The following ARHGEF11 variants were observed in gnomAD, a reference collection of about 807,000 sequenced individuals.
ARHGEF11 encodes Rho guanine exchange factor (GEF) 11.
Under a neutral mutation model 193.7 loss-of-function variants are expected in ARHGEF11, and 55 were observed. The ratio of observed to expected loss-of-function variants is 0.28; its 90% CI spans 0.23 to 0.36. The LOEUF (loss-of-function observed/expected upper bound fraction) is 0.36, where lower values mean the gene tolerates loss of function less well. Ranked by LOEUF, ARHGEF11 falls within the 10% of genes least tolerant of loss-of-function variation. ARHGEF11 has a pLI of 1.00. For missense variants in ARHGEF11, 1,723 were observed against 2,005.6 expected, an observed-to-expected ratio of 0.86 and a Z score of 2.69; for synonymous variants, 693 against 768.0, an observed-to-expected ratio of 0.90 and a Z score of 1.62.
At chr1:157,038,029 CAAA>C (rs145416871) in intron 1 of ARHGEF11, among the ~76,000 whole-genome samples, 1 of 45,502 alleles carries the variant, frequency 2.2e-5, no homozygotes, top group Non-Finnish European at 3.7e-5. Context: ...AAGACTGTCT[CAAA>C]AAAAAAAAAA....
intron 29 of ARHGEF11, 38 bp from the exon 30 acceptor site, chr1:156,945,235 C>G: frequency 6.3e-7 from 1 of 1,592,928 alleles, no homozygotes; most frequent in Non-Finnish European, 8.6e-7. Flanking sequence ...GGGGCTCCTG[C>G]CTGAGAAGTC....
chr1:156,941,565 C>A, intron 34 of ARHGEF11, 132 bp from the exon 35 acceptor site: 2 of 1,048,234 alleles, frequency 1.9e-6, no homozygotes, highest in South Asian at 1.4e-5. Flanking sequence ...TGCTTGGCAA[C>A]CCAGAGAGGA....
In ARHGEF11 at chr1:156,939,703, C is replaced by T. The variant is rs377475140; in HGVS notation, c.3941G>A (p.Arg1314Gln). Residue 1314 changes from arginine (R) to glutamine (Q), a missense_variant, in exon 37 of 41, where the codon CGG becomes CAG. Arg to Gln is a conservative substitution (Grantham distance 43, BLOSUM62 1). Around this residue, in one of 5 missense-constraint regions of ARHGEF11, gnomAD observed 360 missense variants for 344.4 expected, o/e 1.05. Transcript: ENST00000368194. The part of the protein sequence containing the change: ...NTQLAGLEGE[R>Q]PEQEDMGLCS... The stretch of plus-strand genomic sequence containing the variant: ...GAGACCCATGTCTTCCTGCTCTGGC[C>T]GTTCCCCCTCCAGCCCTGCAAGCTG... 29 of 1,614,004 alleles carry T rather than the reference C, an allele frequency of 1.8e-5. No individual in the cohort carries two copies. In the East Asian group the frequency reaches 2.9e-4, roughly 16 times the overall value.
intron 14 of ARHGEF11, among the ~76,000 whole-genome samples, chr1:156,961,027 C>A (rs568034675): frequency 2.9e-3 from 443 of 152,332 alleles, no homozygotes; most frequent in Non-Finnish European, 4.2e-3. Context: ...TTAAGAAAAA[C>A]CAATTTTCTC....
chr1:156,973,746 T>C (rs750082729), intron 7 of ARHGEF11, among the ~76,000 whole-genome samples: 4 of 152,204 alleles, frequency 2.6e-5, no homozygotes, highest in Non-Finnish European at 4.4e-5. Flanking sequence ...CCATCTTTTA[T>C]TCTTTCTTCT....
intron 17 of ARHGEF11, 92 bp downstream of exon 17, chr1:156,958,650 G>C (rs1325854481): frequency 7.1e-6 from 11 of 1,555,044 alleles, no homozygotes; most frequent in Non-Finnish European, 9.6e-6. Flanking sequence ...GGCAAGAAGT[G>C]GAAGAGGGGG....
chr1:156,983,403 T>C (rs1664481253), intron 3 of ARHGEF11, among the ~76,000 whole-genome samples: 1 of 152,114 alleles, frequency 6.6e-6, no homozygotes, highest in Admixed American at 6.5e-5. Flanking sequence ...TTTGTATTTT[T>C]AGTAGAGACA....
At chr1:157,044,024 C>T (rs147579497) in intron 1 of ARHGEF11, among the ~76,000 whole-genome samples, 4 of 152,314 alleles carry the variant, frequency 2.6e-5, no homozygotes, top group Admixed American at 2.6e-4. Flanking sequence ...AGCCTCTACC[C>T]TGGCAAAAGT....
Position 156,939,494 on chromosome 1 carries a change from A to C in ARHGEF11, c.4096+54T>G, listed in dbSNP as rs994711414. On this transcript the variant is annotated intron_variant, in intron 37 of 40. Transcript: ENST00000368194. The stretch of plus-strand genomic sequence containing the variant: ...AAGGAAGCAGCTGTTCGGAAGACTT[A>C]TCTCACCTAGCAAGGGTGCTTGTCT... 3.7e-6 allele frequency: 6 copies of C among 1,600,274 alleles called. No homozygotes were observed. In the African/African-American group the frequency reaches 8.0e-5, roughly 21 times the overall value.
At chr1:157,027,641 A>C (rs887990012) in intron 1 of ARHGEF11, among the ~76,000 whole-genome samples, 8 of 152,128 alleles carry the variant, frequency 5.3e-5, no homozygotes, top group African/African-American at 1.9e-4. Context: ...GTGGCAAATG[A>C]ATTTTCCAAA....
rs1486096525 is a variant in ARHGEF11, at chr1:156,947,400, G to A, written c.2392C>T (p.Leu798=). The change falls in exon 26 of 41, where the codon CTG becomes TTG. Residue 798 remains leucine (L), a synonymous_variant. Transcript: ENST00000368194. ...SHLRTLRVLD[L]IFYQRMKKEN... ...TTCTTCATTCGCTGGTAGAAGATCA[G>A]GTCCAGGACCCGGAGTGTGCGCAGG... The A allele has an allele frequency of 6.2e-7, 1 of 1,613,926 alleles. No homozygotes were observed. The highest frequency in any genetic ancestry group is 1.3e-5 in the African/African-American group (1 of 74,916).
At chr1:157,046,021 G>C (rs1349623241), upstream of ARHGEF11, among the ~76,000 whole-genome samples, 1 of 150,962 alleles carries the variant, frequency 6.6e-6, no homozygotes, top group Non-Finnish European at 1.5e-5. Flanking sequence ...GACTCCCGCC[G>C]ACCGGCCCGC....
At chr1:156,941,575 AG>A in intron 34 of ARHGEF11, 142 bp from the exon 35 acceptor site, 1 of 979,480 alleles carries the variant, frequency 1.0e-6, no homozygotes. Context: ...CCCAGAGAGG[AG>A]GGGGGCTGCT....
chr1:156,977,226 T>C (rs937946105), intron 6 of ARHGEF11, among the ~76,000 whole-genome samples, 172 bp from the exon 7 acceptor site: 4 of 152,196 alleles, frequency 2.6e-5, no homozygotes, highest in Non-Finnish European at 5.9e-5. Context: ...TTATTTTGAG[T>C]TTATGCCTCA....
chr1:157,020,557 T>A (rs762517737), intron 1 of ARHGEF11, among the ~76,000 whole-genome samples: 8 of 152,236 alleles, frequency 5.3e-5, no homozygotes, highest in Non-Finnish European at 8.8e-5. Context: ...TTGCATTTTA[T>A]CTGTTTGTAC....
chr1:156,948,671 A>G lies in ARHGEF11; in HGVS notation c.1926-173T>C. 9.7e-6 allele frequency: 15 copies of G among 1,538,574 alleles called. No homozygotes were observed. Among genetic ancestry groups the G allele is most frequent in the Non-Finnish European group, 1.3e-5 (15 of 1,147,724 alleles). Reference sequence around the variant, plus strand: ...AGTGGAAGCTTCTCAATGACAGACTATTTTTGCTGCTCTACAAACTCCTCC... The same window carrying G: ...AGTGGAAGCTTCTCAATGACAGACTGTTTTTGCTGCTCTACAAACTCCTCC... On this transcript the variant is annotated intron_variant, in intron 22 of 40. Coordinates refer to ENST00000368194, the MANE Select transcript of ARHGEF11 (RefSeq NM_198236.3). This position sits in a 1 kb window ranked among gnomAD's most constrained non-coding sequence, Gnocchi z 4.2.
rs201068348 is a variant in ARHGEF11 at position 156,963,239 on chromosome 1, T to C, written c.1104A>G (p.Leu368=). ...KSRPAHLGVF[L]RYIFSQADPS... is the part of the protein sequence containing the mutation. ...GGTCCGCCTGAGAGAAGATGTAACG[T>C]AGAAAAACCCCCAGGTGAGCTGGCC... Residue 368 remains leucine (L), a synonymous_variant, in exon 13 of 41, where the codon CTA becomes CTG. Coordinates refer to ENST00000368194, the MANE Select transcript of ARHGEF11 (RefSeq NM_198236.3). The C allele has an allele frequency of 1.7e-5, 27 of 1,613,936 alleles. No homozygotes were observed. The highest frequency in any genetic ancestry group is 2.2e-5 in the Non-Finnish European group (26 of 1,180,006).
intron 1 of ARHGEF11, among the ~76,000 whole-genome samples, chr1:157,032,688 C>G (rs1057491485): frequency 1.3e-5 from 2 of 152,098 alleles, no homozygotes; most frequent in Admixed American, 1.3e-4. Context: ...CTATGTCCAT[C>G]ACCATTTCTT....
At chr1:156,984,466 G>C in intron 2 of ARHGEF11, 29 bp from the exon 3 acceptor site, 1 of 1,536,436 alleles carries the variant, frequency 6.5e-7, no homozygotes, top group Non-Finnish European at 8.9e-7. Flanking sequence ...GGTTGAGTAC[G>C]CAGTGTCACT....
Sources: gnomAD v4.1 joint callset for allele counts (sites outside exome capture counted in the v4.1 genomes callset) on GRCh38, gnomAD v4.1.1 for gene constraint, gnomAD v4.1.1 regional missense constraint, Gnocchi (gnomAD v3.1) non-coding constraint, MANE v1.5 for transcripts, NCBI Gene and HGNC (gene_info 2026-07-23, HGNC 2026-07-21) for gene names.